The following SMYD3 variants were observed in gnomAD, a reference collection of about 807,000 sequenced individuals.
SMYD3 encodes SET and MYND domain containing 3.
SMYD3 carries 36 observed loss-of-function variants against 57.7 expected under a neutral mutation model. The ratio of observed to expected loss-of-function variants is 0.62; its 90% CI spans 0.48 to 0.82. The LOEUF is 0.82. Ranked by LOEUF, SMYD3 falls within the 40% of genes least tolerant of loss-of-function variation. The pLI, the probability that SMYD3 is intolerant of heterozygous loss-of-function variation, is 0.00. For synonymous variants in SMYD3, 211 were observed against 195.0 expected, an observed-to-expected ratio of 1.08 and a Z score of -0.68; for missense variants, 515 against 538.8, an observed-to-expected ratio of 0.96 and a Z score of 0.44.
intron 1 of SMYD3, among the ~76,000 whole-genome samples, chr1:246,401,180 A>C (rs541128855): frequency 4.7e-4 from 71 of 152,272 alleles, no homozygotes; most frequent in African/African-American, 1.7e-3. Flanking sequence ...TTCAAATGGA[A>C]AAAAGCTGAT....
chr1:245,829,155 T>C (rs1359931864), intron 10 of SMYD3, among the ~76,000 whole-genome samples: 1 of 150,718 alleles, frequency 6.6e-6, no homozygotes, highest in Non-Finnish European at 1.5e-5. Flanking sequence ...GATTTTAATG[T>C]GAGATAGTAT....
At chr1:245,793,240 C>T (rs924034480) in intron 10 of SMYD3, among the ~76,000 whole-genome samples, 8 of 151,578 alleles carry the variant, frequency 5.3e-5, no homozygotes, top group Non-Finnish European at 7.4e-5. Flanking sequence ...ACCCAGGAGA[C>T]GGAGCTTGAA....
intron 5 of SMYD3, among the ~76,000 whole-genome samples, chr1:246,320,035 C>T (rs137957189): frequency 5.4e-4 from 82 of 152,140 alleles, no homozygotes; most frequent in African/African-American, 1.1e-3. Context: ...TATAGTATCA[C>T]GATTTTCTCT....
intron 1 of SMYD3, among the ~76,000 whole-genome samples, chr1:246,437,263 C>A (rs2067394720): frequency 6.6e-6 from 1 of 152,128 alleles, no homozygotes; most frequent in Non-Finnish European, 1.5e-5. Context: ...TTTGGGAGCA[C>A]CTGGTAGAGT....
At chr1:245,847,899 T>C (rs995333849) in intron 10 of SMYD3, among the ~76,000 whole-genome samples, 33 of 152,208 alleles carry the variant, frequency 2.2e-4, no homozygotes, top group Admixed American at 2.2e-3. Flanking sequence ...TCTCAAATCA[T>C]ATATATTGCT....
intron 10 of SMYD3, among the ~76,000 whole-genome samples, chr1:245,845,587 T>C (rs1208724092): frequency 6.6e-6 from 1 of 152,192 alleles, no homozygotes; most frequent in African/African-American, 2.4e-5. Context: ...CATCTTTTCC[T>C]TTTCCAGCTC....
At chr1:246,244,870 T>C (rs10924612) in intron 5 of SMYD3, among the ~76,000 whole-genome samples, 31,535 of 152,118 alleles carry the variant, frequency 0.21, 3,988 homozygotes, top group East Asian at 0.58. Context: ...TGGGTTTATA[T>C]GGACTCCATC....
chr1:246,065,307 T>G (rs1271807406), intron 5 of SMYD3, among the ~76,000 whole-genome samples: 1 of 152,162 alleles, frequency 6.6e-6, no homozygotes, highest in Admixed American at 6.5e-5. Context: ...GGAGCAAGAC[T>G]CAAAAAAGTG....
chr1:246,289,945 C>A (rs1004974472), intron 5 of SMYD3, among the ~76,000 whole-genome samples: 1 of 152,114 alleles, frequency 6.6e-6, no homozygotes, highest in Non-Finnish European at 1.5e-5. Context: ...ATATTTATCA[C>A]GAGTGTGTGG....
intron 5 of SMYD3, among the ~76,000 whole-genome samples, chr1:246,102,424 C>T (rs2061031435): frequency 6.6e-6 from 1 of 152,140 alleles, no homozygotes; most frequent in Non-Finnish European, 1.5e-5. Context: ...CATTTGGTTG[C>T]TTACTTCTCC....
intron 5 of SMYD3, among the ~76,000 whole-genome samples, chr1:246,125,013 A>G (rs140257602): frequency 0.081 from 12,080 of 149,570 alleles, 975 homozygotes; most frequent in African/African-American, 0.2. Flanking sequence ...CGGAGCTTGC[A>G]GTGAGCCGAG....
chr1:245,900,618 C>T (rs2054120889), intron 8 of SMYD3, among the ~76,000 whole-genome samples: 1 of 152,192 alleles, frequency 6.6e-6, no homozygotes, highest in African/African-American at 2.4e-5. Context: ...CCTACTAAAG[C>T]TACGTTTAGT....
At chr1:245,805,585 G>A (rs2048110287) in intron 10 of SMYD3, among the ~76,000 whole-genome samples, 2 of 152,314 alleles carry the variant, frequency 1.3e-5, no homozygotes, top group South Asian at 2.1e-4. Context: ...GGAAATAAAA[G>A]TTTATTTTAA....
intron 10 of SMYD3, among the ~76,000 whole-genome samples, chr1:245,795,485 A>G (rs1489445859): frequency 2.0e-5 from 3 of 152,230 alleles, no homozygotes; most frequent in Non-Finnish European, 2.9e-5. Context: ...TCCGAGAGCC[A>G]GGTAGCCAGT....
intron 10 of SMYD3, among the ~76,000 whole-genome samples, chr1:245,799,130 G>A (rs2047732678): frequency 6.6e-6 from 1 of 152,214 alleles, no homozygotes; most frequent in African/African-American, 2.4e-5. Flanking sequence ...AGAGCTATAG[G>A]TGACAGCTCC....
chr1:246,094,997 G>T (rs953796696), intron 5 of SMYD3, among the ~76,000 whole-genome samples: 9 of 151,996 alleles, frequency 5.9e-5, no homozygotes, highest in African/African-American at 2.2e-4. Flanking sequence ...GCCCCTCCCA[G>T]TGACGTCTTG....
At chr1:246,039,526 G>A (rs893505882) in intron 5 of SMYD3, among the ~76,000 whole-genome samples, 1 of 152,206 alleles carries the variant, frequency 6.6e-6, no homozygotes, top group Non-Finnish European at 1.5e-5. Context: ...AGCAGCCTTC[G>A]AAATGTGGGA....
At chr1:245,978,902 A>G (rs547278888) in intron 5 of SMYD3, among the ~76,000 whole-genome samples, 5 of 152,310 alleles carry the variant, frequency 3.3e-5, no homozygotes, top group Admixed American at 6.5e-5. Context: ...CTTTCCTGGG[A>G]AACACCTGGG....
intron 3 of SMYD3, 46 bp from the exon 4 acceptor site, chr1:246,330,583 C>T (rs776234944): frequency 1.8e-5 from 27 of 1,514,584 alleles, no homozygotes; most frequent in Non-Finnish European, 2.2e-5. Context: ...TCAAGTGTTC[C>T]AATATATAAA....
Sources: gnomAD v4.1 joint callset for allele counts (sites outside exome capture counted in the v4.1 genomes callset) on GRCh38, gnomAD v4.1.1 for gene constraint, MANE v1.5 for transcripts, NCBI Gene and HGNC (gene_info 2026-07-23, HGNC 2026-07-21) for gene names.